Variants in DCAF1 observed in about 807,000 individuals in gnomAD.
DCAF1 encodes the protein DDB1- and CUL4-associated factor 1.
A neutral mutation model predicts 128.0 loss-of-function variants in DCAF1; 15 were observed. That is an observed-to-expected ratio of 0.12 (90% confidence interval 0.08 to 0.18). The LOEUF (loss-of-function observed/expected upper bound fraction) is 0.18, where lower values mean the gene tolerates loss of function less well. DCAF1 is among the 10% of genes least tolerant of loss of function. DCAF1 has a pLI of 1.00. For missense variants in DCAF1, 988 were observed against 1,649.5 expected, an observed-to-expected ratio of 0.60 and a Z score of 6.95; for synonymous variants, 610 against 603.0, an observed-to-expected ratio of 1.01 and a Z score of -0.17.
chr3:51,454,239 C>G (rs1199004263), intron 6 of DCAF1, among the ~76,000 whole-genome samples: 1 of 152,048 alleles, frequency 6.6e-6, no homozygotes, highest in Non-Finnish European at 1.5e-5. Context: ...CAGGGTCTTC[C>G]TATATTGCCC....
chr3:51,423,805 G>A (rs1487158728), intron 13 of DCAF1, among the ~76,000 whole-genome samples: 1 of 143,862 alleles, frequency 7.0e-6, no homozygotes, highest in Non-Finnish European at 1.5e-5. Context: ...GGTCAACACA[G>A]TGAGACTCCG....
chr3:51,464,555 G>C (rs1255543330), intron 5 of DCAF1, among the ~76,000 whole-genome samples: 1 of 151,964 alleles, frequency 6.6e-6, no homozygotes, highest in Non-Finnish European at 1.5e-5. Flanking sequence ...AATTTGCCAG[G>C]CATGGTGGCA....
At chr3:51,440,419 G>A (rs1213261692) in intron 9 of DCAF1, among the ~76,000 whole-genome samples, 2 of 152,058 alleles carry the variant, frequency 1.3e-5, no homozygotes, top group South Asian at 2.1e-4. Context: ...GACCAGCCTG[G>A]GCAACATAGC....
At chr3:51,450,186 A>C (rs1411236468) in intron 6 of DCAF1, among the ~76,000 whole-genome samples, 3 of 152,198 alleles carry the variant, frequency 2.0e-5, no homozygotes, top group Non-Finnish European at 4.4e-5. Context: ...CTCTTTAAAT[A>C]ATTAAATAAA....
intron 7 of DCAF1, 92 bp downstream of exon 7, chr3:51,443,674 A>G (rs1553639542): frequency 2.6e-6 from 3 of 1,151,800 alleles, no homozygotes; most frequent in African/African-American, 1.6e-5. Flanking sequence ...GTACAAGATA[A>G]TCAATATGAT....
upstream of DCAF1, among the ~76,000 whole-genome samples, chr3:51,502,026 T>C (rs1011282944): frequency 1.3e-5 from 2 of 152,194 alleles, no homozygotes; most frequent in Non-Finnish European, 2.9e-5. Flanking sequence ...TTCAGGTGAC[T>C]TTCCTGCCAT....
At position 51,449,184 on chromosome 3, in the gene DCAF1, G is replaced by A. The variant is rs992581013; in HGVS notation, c.376-5281C>T. 2.6e-5 allele frequency among the ~76,000 whole-genome samples: 4 copies of A among 152,166 alleles called. No individual in the cohort carries two copies. In the East Asian group the frequency reaches 7.7e-4, roughly 29 times the overall value. ...AAACCTATGGAATGCAGCAAAGGCA[G>A]TGGTTAAAATGAAATTTATTTATTT... is the stretch of plus-strand genomic sequence containing the variant. On this transcript the variant is annotated intron_variant, in intron 6 of 24. Transcript: ENST00000684031.
At chr3:51,414,244 C>T (rs1412244501) in intron 19 of DCAF1, among the ~76,000 whole-genome samples, 1 of 152,154 alleles carries the variant, frequency 6.6e-6, no homozygotes, top group Non-Finnish European at 1.5e-5. Flanking sequence ...TCCTCATATA[C>T]AGGAATGCTT....
intron 3 of DCAF1, 116 bp from the exon 4 acceptor site, chr3:51,471,121 A>G (rs371826639): frequency 1.9e-6 from 1 of 539,692 alleles, no homozygotes. Context: ...GAAAAAGACT[A>G]TTTCTTCTGA....
Position 51,430,113 on chromosome 3 carries a change from A to C in DCAF1, c.1387T>G (p.Phe463Val), listed in dbSNP as rs782705716. 15 of 780,800 alleles carry C rather than the reference A, an allele frequency of 1.9e-5. No homozygotes were observed. 48.4% of individuals were successfully genotyped at this position (780,800 alleles called of 1,614,324 possible). The change falls in exon 11 of 25, where the codon TTT (phenylalanine) becomes GTT (valine). Residue 463 changes from phenylalanine to valine, a missense_variant. Phe to Val is a conservative substitution (Grantham distance 50). Around this residue, in one of 11 missense-constraint regions of DCAF1, gnomAD observed 185 missense variants for 248.1 expected, o/e 0.75. Coordinates refer to ENST00000684031, the MANE Select transcript of DCAF1 (RefSeq NM_001387579.1). ...HASGCCHATM[F>V]FSICFSFRAV... ...CGAAATGAGAAGCAAATTGAAAAAA[A>C]CATGGTAGCATGGCAGCATCCTGAA...
At chr3:51,447,395 G>C (rs1309355352) in intron 6 of DCAF1, among the ~76,000 whole-genome samples, 1 of 151,852 alleles carries the variant, frequency 6.6e-6, no homozygotes, top group African/African-American at 2.4e-5. Flanking sequence ...AGGTGACAGA[G>C]CAAGACTGTC....
rs534105325 is a variant in DCAF1, at chr3:51,414,949, A to C, written c.3604-92T>G. ...AATGTGCAAAGCAGTTTCTAAAATT[A>C]ACACACAAATTCTCCACATGGATCA... On this transcript the variant is annotated intron_variant, in intron 18 of 24. Transcript: ENST00000684031. The C allele has an allele frequency of 3.4e-6, 5 of 1,477,738 alleles. No individual in the cohort carries two copies. The Admixed American group carries it at 1.1e-4, about 32-fold the overall frequency. The allele number at this position is 1,477,738 out of a possible 1,614,324, so 91.5% of individuals were successfully genotyped here.
intron 6 of DCAF1, among the ~76,000 whole-genome samples, chr3:51,457,220 G>C (rs539121471): frequency 6.6e-6 from 1 of 152,258 alleles, no homozygotes; most frequent in African/African-American, 2.4e-5. Flanking sequence ...GTCCTTAAAG[G>C]ACCTGATGGA....
intron 4 of DCAF1, among the ~76,000 whole-genome samples, chr3:51,467,921 G>A (rs1244445628): frequency 6.6e-6 from 1 of 152,132 alleles, no homozygotes; most frequent in Non-Finnish European, 1.5e-5. Flanking sequence ...GAGAAGACTG[G>A]CTCCAAGTCC....
At chr3:51,440,764 T>C (rs969330581) in intron 9 of DCAF1, among the ~76,000 whole-genome samples, 3 of 152,006 alleles carry the variant, frequency 2.0e-5, no homozygotes, top group Non-Finnish European at 2.9e-5. Flanking sequence ...AAATCAGCCA[T>C]GCACGGTAGC....
At chr3:51,467,432 A>T (rs532558739) in intron 4 of DCAF1, among the ~76,000 whole-genome samples, 2 of 152,248 alleles carry the variant, frequency 1.3e-5, no homozygotes, top group African/African-American at 4.8e-5. Flanking sequence ...TCTCACTCAT[A>T]GGTGGGAACT....
chr3:51,453,908 G>A (rs770578434), intron 6 of DCAF1, among the ~76,000 whole-genome samples: 9 of 150,922 alleles, frequency 6.0e-5, no homozygotes, highest in Non-Finnish European at 1.3e-4. Context: ...GCCCGAGATC[G>A]CGCCACTGCC....
chr3:51,443,882 A>G lies in DCAF1; in HGVS notation c.397T>C (p.Phe133Leu), dbSNP rs1701596511. The change falls in exon 7 of 25, where the codon TTC becomes CTC. Residue 133 changes from phenylalanine to leucine, a missense_variant. Phe to Leu is a conservative substitution (Grantham distance 22). Coordinates refer to ENST00000684031, the MANE Select transcript of DCAF1 (RefSeq NM_001387579.1). ...TGATCGGCCTCTCGGGCCCATTTGA[A>G]AAGATTCTCGACAATTCCCTCCTAT... ...QEKEGIVENL[F>L]KWAREADQPL... The G allele has an allele frequency of 1.9e-6, 3 of 1,606,380 alleles. No homozygotes were observed. The highest frequency in any genetic ancestry group is 1.7e-6 in the Non-Finnish European group (2 of 1,178,054).
chr3:51,457,556 C>T (rs559185795), intron 6 of DCAF1, among the ~76,000 whole-genome samples: 4 of 152,218 alleles, frequency 2.6e-5, no homozygotes, highest in Admixed American at 2.6e-4. Context: ...TAAGGAAATA[C>T]ACAGAACACC....
Sources: gnomAD v4.1 joint callset for allele counts (sites outside exome capture counted in the v4.1 genomes callset) on GRCh38, gnomAD v4.1.1 for gene constraint, gnomAD v4.1.1 regional missense constraint, MANE v1.5 for transcripts, NCBI Gene and HGNC (gene_info 2026-07-23, HGNC 2026-07-21) for gene names.